ADRA1D: variants seen among roughly 807,000 people sequenced by gnomAD.
ADRA1D encodes alpha-1D adrenergic receptor.
In ADRA1D, 22 loss-of-function variants were observed where a neutral mutation model predicts 18.6. The ratio of observed to expected loss-of-function variants is 1.19; its 90% confidence interval spans 0.85 to 1.69. The LOEUF is 1.69. Ranked by LOEUF, ADRA1D falls within the 40% of genes most tolerant of loss-of-function variation. The pLI, the probability that ADRA1D is intolerant of heterozygous loss-of-function variation, is 0.00. For synonymous variants in ADRA1D, 376 were observed against 388.2 expected, an observed-to-expected ratio of 0.97 and a Z score of 0.37; for missense variants, 840 against 840.7, an observed-to-expected ratio of 1.00 and a Z score of 0.01.
At chr20:4,245,796 T>G (rs555993831) in intron 1 of ADRA1D, among the ~76,000 whole-genome samples, 304 of 152,152 alleles carry the variant, frequency 2.0e-3, no homozygotes, top group Non-Finnish European at 3.7e-3. Flanking sequence ...GCCTGGGGGA[T>G]GGGCTTGGAT....
chr20:4,238,120 G>A (rs1981139603), intron 1 of ADRA1D, among the ~76,000 whole-genome samples: 1 of 151,836 alleles, frequency 6.6e-6, no homozygotes. Flanking sequence ...GGGCGTGGTG[G>A]TGGGTGCCTG....
intron 1 of ADRA1D, among the ~76,000 whole-genome samples, chr20:4,229,669 T>C (rs529265857): frequency 7.2e-5 from 11 of 152,182 alleles, no homozygotes; most frequent in African/African-American, 2.6e-4. Context: ...AATGCAGTGA[T>C]TGAGGGCAGA....
In ADRA1D at chr20:4,231,944, G is replaced by A. The variant is rs148369794; in HGVS notation, c.1112-9814C>T. On this transcript the variant is annotated intron_variant, in intron 1 of 1. Transcript: ENST00000379453. ...TTTCTTTTTTTTGAGACAGAGTATC[G>A]CTCTCTTGCCCAGGCTGGAGTGCAA... 7.6e-4 allele frequency among the ~76,000 whole-genome samples: 115 copies of A among 151,858 alleles called. 4 individuals are homozygous for A. The East Asian group carries it at 0.019, about 25-fold the overall frequency.
At position 4,221,346 on chromosome 20, in the gene ADRA1D, A is replaced by G. The variant is rs1600843250; in HGVS notation, c.*177T>C. On this transcript the variant is annotated 3_prime_UTR_variant, in exon 2 of 2. Coordinates refer to ENST00000379453, the MANE Select transcript of ADRA1D (RefSeq NM_000678.4). ...CCAGCAGGGGGCCCCACTACTTTTC[A>G]CCTTTCAAGGGCTCCAGCCTCAAGC... 1 of 677,726 alleles carries G rather than the reference A, an allele frequency of 1.5e-6. No homozygotes were observed. Among genetic ancestry groups the G allele is most frequent in the Non-Finnish European group, 2.3e-6 (1 of 432,230 alleles). 42.0% of individuals were successfully genotyped at this position (677,726 alleles called of 1,614,324 possible).
Position 4,248,317 on chromosome 20 carries a change from G to C in ADRA1D, c.641C>G (p.Ala214Gly). The C allele has an allele frequency of 1.2e-6, 2 of 1,605,426 alleles. No individual in the cohort carries two copies. Among genetic ancestry groups the C allele is most frequent in the Non-Finnish European group, 1.7e-6 (2 of 1,176,234 alleles). ...GACCCAGAGCAGGGCCAGGATGGCG[G>C]CCGCCTTGCGCTCGGTCATGATGGC... is the stretch of plus-strand genomic sequence containing the variant. ...YPAIMTERKA[A>G]AILALLWVVA... Residue 214 changes from alanine to glycine, a missense_variant, in exon 1 of 2, where the codon GCC becomes GGC. By Grantham distance (60) the Ala-to-Gly change is moderately conservative (BLOSUM62 0). Transcript: ENST00000379453.
intron 1 of ADRA1D, among the ~76,000 whole-genome samples, chr20:4,224,873 A>G (rs1980757127): frequency 6.6e-6 from 1 of 151,944 alleles, no homozygotes; most frequent in East Asian, 1.9e-4. Context: ...CCCACCATAC[A>G]GAGACAGTTT....
chr20:4,236,281 C>G (rs1005302549), intron 1 of ADRA1D, among the ~76,000 whole-genome samples: 1 of 152,164 alleles, frequency 6.6e-6, no homozygotes, highest in South Asian at 2.1e-4. Context: ...TAGCATCTAC[C>G]TCATAGGACT....
chr20:4,247,875 C>A lies in ADRA1D; in HGVS notation c.1083G>T (p.Trp361Cys), dbSNP rs759820796. 6.4e-7 allele frequency: 1 copy of A among 1,574,794 alleles called. No homozygotes were observed. The highest frequency in any genetic ancestry group is 8.6e-7 in the Non-Finnish European group (1 of 1,162,330). ...GCGGCAGGACAAAGAAGAAAGGGAA[C>A]CAGCAGAGCACGAAGACACCCACGA... is the stretch of plus-strand genomic sequence containing the variant. The part of the protein sequence containing the change: ...AIVVGVFVLC[W>C]FPFFFVLPLG... The change falls in exon 1 of 2, where the codon TGG becomes TGT. Residue 361 changes from tryptophan to cysteine, a missense_variant. Physicochemically the swap from Trp to Cys is radical, Grantham distance 215 (BLOSUM62 -2). Coordinates refer to ENST00000379453, the MANE Select transcript of ADRA1D (RefSeq NM_000678.4).
chr20:4,231,038 T>TTTTCTTCCTTTCTTTCTTTCTTTCTTTC, intron 1 of ADRA1D, among the ~76,000 whole-genome samples: 1 of 108,526 alleles, frequency 9.2e-6, no homozygotes, highest in South Asian at 3.4e-4. Context: ...CTTTCTTTCT[T>TTTTCTTCCTTTCTTTCTTTCTTTCTTTC]TTTCTTTCTT....
At chr20:4,237,362 C>T (rs925323591) in intron 1 of ADRA1D, among the ~76,000 whole-genome samples, 1 of 151,570 alleles carries the variant, frequency 6.6e-6, no homozygotes, top group African/African-American at 2.4e-5. Flanking sequence ...GACTGCACCC[C>T]AGCCTGGGCA....
In ADRA1D at chr20:4,249,185, C is replaced by T; in HGVS notation, c.-228G>A. ...CCGGCCGTGGAGTAGCACCGAAGAG[C>T]CGGGGCCCGCTACGCGCGCGGCGCT... On this transcript the variant is annotated 5_prime_UTR_variant, in exon 1 of 2. Coordinates refer to ENST00000379453, the MANE Select transcript of ADRA1D (RefSeq NM_000678.4). The T allele has an allele frequency of 5.5e-6, 1 of 182,952 alleles. No homozygotes were observed. The highest frequency in any genetic ancestry group is 1.1e-5 in the Non-Finnish European group (1 of 90,948). The allele number at this position is 182,952 out of a possible 1,614,324, so 11.3% of individuals were successfully genotyped here.
intron 1 of ADRA1D, among the ~76,000 whole-genome samples, chr20:4,243,217 AC>A (rs1981257771): frequency 1.3e-5 from 2 of 151,784 alleles, no homozygotes; most frequent in African/African-American, 4.8e-5. Context: ...TTTCCAACCT[AC>A]CCAACTGTCC....
chr20:4,241,600 G>A (rs961835224), intron 1 of ADRA1D, among the ~76,000 whole-genome samples: 6 of 152,138 alleles, frequency 3.9e-5, no homozygotes, highest in Non-Finnish European at 8.8e-5. Context: ...CAAAGCACAG[G>A]TAGGAGATGT....
chr20:4,248,226 G>A lies in ADRA1D; in HGVS notation c.732C>T (p.Arg244=), dbSNP rs1362121536. Residue 244 remains arginine, a synonymous_variant, in exon 1 of 2, where the codon CGC becomes CGT. Transcript: ENST00000379453. The part of the protein sequence containing the change: ...GWKEPVPPDE[R]FCGITEEAGY... ...CCGCCTCCTCGGTGATACCGCAGAA[G>A]CGCTCGTCAGGGGGCACGGGCTCCT... The A allele has an allele frequency of 1.9e-6, 3 of 1,601,080 alleles. No homozygotes were observed. In the African/African-American group the frequency reaches 4.0e-5, roughly 21 times the overall value.
chr20:4,239,086 T>G lies in ADRA1D; in HGVS notation c.1111+8761A>C, dbSNP rs1158165576. On this transcript the variant is annotated intron_variant, in intron 1 of 1. Transcript: ENST00000379453. The surrounding 1 kb of genome is among the most constrained non-coding windows in gnomAD (Gnocchi z 4.9). ...GGATTCTGGGGGAGGGAGAGTAAAA[T>G]GGGCACATGGACCAGGGCATAGGCC... 6.6e-6 allele frequency among the ~76,000 whole-genome samples: 1 copy of G among 151,450 alleles called. No individual in the cohort carries two copies. The highest frequency in any genetic ancestry group is 1.9e-4 in the East Asian group (1 of 5,146).
At chr20:4,243,773 C>G (rs992097005) in intron 1 of ADRA1D, among the ~76,000 whole-genome samples, 3 of 152,170 alleles carry the variant, frequency 2.0e-5, no homozygotes, top group African/African-American at 7.2e-5. Context: ...GCTGCCCTCC[C>G]CAGCCTTGCT....
At chr20:4,227,704 C>CT (rs1555820747) in intron 1 of ADRA1D, among the ~76,000 whole-genome samples, 16 of 92,616 alleles carry the variant, frequency 1.7e-4, no homozygotes, top group African/African-American at 5.4e-4. Flanking sequence ...CCCTCCCTCC[C>CT]TCCTTCCTTC....
chr20:4,222,397 T>C lies in ADRA1D; in HGVS notation c.1112-267A>G, dbSNP rs1394232442. ...TAGAGTTAGACAAAACCACGTGCAA[T>C]TGCTGTTTTTGTAGCTCAAAACCGG... On this transcript the variant is annotated intron_variant, in intron 1 of 1. Coordinates refer to ENST00000379453, the MANE Select transcript of ADRA1D (RefSeq NM_000678.4). The surrounding 1 kb of genome is among the most constrained non-coding windows in gnomAD (Gnocchi z 4.3). 1 of 340,940 alleles carries C rather than the reference T, an allele frequency of 2.9e-6. No homozygotes were observed. The highest frequency in any genetic ancestry group is 5.2e-6 in the Non-Finnish European group (1 of 192,690). The allele number at this position is 340,940 out of a possible 1,614,324, so 21.1% of individuals were successfully genotyped here. A position where few individuals can be genotyped will look rare whatever the true frequency, so the allele number is the denominator to read the frequency against.
At chr20:4,247,506 A>AG (rs1220124235) in intron 1 of ADRA1D, among the ~76,000 whole-genome samples, 8 of 152,262 alleles carry the variant, frequency 5.3e-5, no homozygotes, top group East Asian at 1.9e-4. Flanking sequence ...GGGGATCTGT[A>AG]GGGGGACACA....
Sources: gnomAD v4.1 joint callset for allele counts (sites outside exome capture counted in the v4.1 genomes callset) on GRCh38, gnomAD v4.1.1 for gene constraint, Gnocchi (gnomAD v3.1) non-coding constraint, MANE v1.5 for transcripts, NCBI Gene and HGNC (gene_info 2026-07-23, HGNC 2026-07-21) for gene names.